GNB1: variants seen among roughly 807,000 people sequenced by gnomAD.
The protein encoded by GNB1 is G protein subunit beta 1, also known as guanine nucleotide-binding protein G(I)/G(S)/G(T) subunit beta-1.
A neutral mutation model predicts 42.9 loss-of-function variants in GNB1; 2 were observed. The observed-to-expected ratio is 0.05, with a 90% CI of 0.02 to 0.15. The LOEUF (loss-of-function observed/expected upper bound fraction) is 0.15. GNB1 is among the 10% of genes least tolerant of loss of function. The probability of loss-of-function intolerance (pLI) is 1.00; values close to 1 mark genes in which losing one functional copy is unlikely to be tolerated. For synonymous variants in GNB1, 183 were observed against 174.7 expected (o/e 1.05, Z -0.38); for missense variants, 193 against 462.2 (o/e 0.42, Z 5.34).
At chr1:1,791,801 T>C (rs1298488871) in intron 8 of GNB1, among the ~76,000 whole-genome samples, 1 of 152,190 alleles carries the variant, frequency 6.6e-6, no homozygotes, top group Non-Finnish European at 1.5e-5. Context: ...TAAAAGAGTC[T>C]GAAAAAAATG....
chr1:1,806,556 A>G lies in GNB1; in HGVS notation c.204-18T>C, dbSNP rs1204461383. On this transcript the variant is annotated intron_variant, in intron 5 of 11. Coordinates refer to ENST00000378609, the MANE Select transcript of GNB1 (RefSeq NM_002074.5). Reference sequence around the variant, plus strand: ...CGAGAAGCCTGGAGGGACAGACAAAAGCAAACCTATCAGTACCGCACAACA... The same window carrying G: ...CGAGAAGCCTGGAGGGACAGACAAAGGCAAACCTATCAGTACCGCACAACA... 1.9e-6 allele frequency: 3 copies of G among 1,576,070 alleles called. No homozygotes were observed. Among genetic ancestry groups the G allele is most frequent in the Non-Finnish European group, 2.6e-6 (3 of 1,145,890 alleles).
chr1:1,853,264 G>A (rs539693251), intron 1 of GNB1, among the ~76,000 whole-genome samples: 8 of 152,212 alleles, frequency 5.3e-5, no homozygotes, highest in Admixed American at 2.0e-4. Flanking sequence ...TCTGACATGC[G>A]ACTCCTCCGC....
chr1:1,879,379 G>A (rs112683621), intron 1 of GNB1, among the ~76,000 whole-genome samples: 185 of 152,288 alleles, frequency 1.2e-3, no homozygotes, highest in Non-Finnish European at 2.5e-3. Context: ...TAAGCCCACT[G>A]CATGTTACCA....
chr1:1,798,957 T>A (rs1646585202), intron 7 of GNB1, among the ~76,000 whole-genome samples: 1 of 151,584 alleles, frequency 6.6e-6, no homozygotes, highest in African/African-American at 2.4e-5. Flanking sequence ...AGTCTCGCTG[T>A]CGCCCAGGTT....
rs763840033 is a variant in GNB1 at position 1,790,438 on chromosome 1, C to T, written c.656G>A (p.Arg219Gln). Residue 219 changes from arginine (R) to glutamine (Q), a missense_variant, in exon 9 of 12, where the codon CGG (arginine) becomes CAG (glutamine). Coordinates refer to ENST00000378609, the MANE Select transcript of GNB1 (RefSeq NM_002074.5). This position sits in a 1 kb window ranked among gnomAD's most constrained non-coding sequence, Gnocchi z 5.4. ...KLWDVREGMC[R>Q]QTFTGHESDI... is the part of the protein sequence containing the mutation. Reference sequence around the variant, plus strand: ...AGACTCGTGGCCAGTGAAGGTCTGCCGGCACATGCCTTCTCGCACATCCCA... The same window carrying T: ...AGACTCGTGGCCAGTGAAGGTCTGCTGGCACATGCCTTCTCGCACATCCCA... The T allele has an allele frequency of 1.4e-5, 23 of 1,614,024 alleles. No individual in the cohort carries two copies. The highest frequency in any genetic ancestry group is 3.3e-5 in the Admixed American group (2 of 60,002).
intron 1 of GNB1, among the ~76,000 whole-genome samples, chr1:1,869,185 CAAAAAAAAAAAAAAA>C (rs71578347): frequency 3.7e-5 from 1 of 26,746 alleles, no homozygotes; most frequent in Non-Finnish European, 7.7e-5. Context: ...GACACCTTCT[CAAAAAAAAAAAAAAA>C]AAAAAAAAAA....
chr1:1,794,097 C>T (rs551953897), intron 7 of GNB1: 1 of 152,318 alleles, frequency 6.6e-6, no homozygotes, highest in East Asian at 1.9e-4. Flanking sequence ...TGAGTATTCC[C>T]ACCCACTCCC....
intron 10 of GNB1, 22 bp downstream of exon 10, chr1:1,789,031 G>A: frequency 6.4e-7 from 1 of 1,556,028 alleles, no homozygotes; most frequent in Non-Finnish European, 8.9e-7. Context: ...ACAAGACACA[G>A]AAAGGCCCCA....
intron 3 of GNB1, 170 bp from the exon 4 acceptor site, chr1:1,818,045 T>C: frequency 1.7e-6 from 1 of 585,834 alleles, no homozygotes; most frequent in Non-Finnish European, 3.2e-6. Context: ...TCTACTACCA[T>C]CTGTGGACTG....
intron 4 of GNB1, among the ~76,000 whole-genome samples, chr1:1,817,404 T>C (rs971094555): frequency 3.3e-5 from 5 of 152,184 alleles, no homozygotes; most frequent in African/African-American, 9.7e-5. Flanking sequence ...GCTATGTACA[T>C]GTGTGTGTTT....
chr1:1,869,927 A>C (rs1649157481), intron 1 of GNB1, among the ~76,000 whole-genome samples: 2 of 151,968 alleles, frequency 1.3e-5, no homozygotes, highest in African/African-American at 4.8e-5. Flanking sequence ...TAGTGGTACA[A>C]TCTAGGCTCA....
intron 1 of GNB1, among the ~76,000 whole-genome samples, chr1:1,840,798 G>A (rs2101211603): frequency 6.6e-6 from 1 of 152,370 alleles, no homozygotes; most frequent in South Asian, 2.1e-4. Flanking sequence ...TGGTGACAGA[G>A]ATCACAAGAG....
intron 3 of GNB1, chr1:1,818,450 G>C (rs1277801072): frequency 1.3e-5 from 2 of 152,080 alleles, no homozygotes; most frequent in Non-Finnish European, 1.5e-5. Context: ...GCGGTCTCAC[G>C]TCTGTAATCC....
rs1177095102 is a variant in GNB1, at chr1:1,890,849, C to T, written c.-125G>A. Reference sequence around the variant, plus strand: ...GCGCCCTCGTCGCGGCCTGACGCGCCCACACCGCCGCCTCGGCCGCCGCTC... The same window carrying T: ...GCGCCCTCGTCGCGGCCTGACGCGCTCACACCGCCGCCTCGGCCGCCGCTC... On this transcript the variant is annotated 5_prime_UTR_variant, in exon 1 of 12. Coordinates refer to ENST00000378609, the MANE Select transcript of GNB1 (RefSeq NM_002074.5). The T allele has an allele frequency of 1.4e-5, 2 of 147,738 alleles. No individual in the cohort carries two copies. Among genetic ancestry groups the T allele is most frequent in the South Asian group, 4.0e-4 (2 of 4,940 alleles). The allele number at this position is 147,738 out of a possible 1,614,324, so 9.2% of individuals were successfully genotyped here.
At chr1:1,835,631 G>C (rs369660778) in intron 2 of GNB1, among the ~76,000 whole-genome samples, 8 of 152,148 alleles carry the variant, frequency 5.3e-5, no homozygotes. Context: ...TGTAACAGTG[G>C]AGTTAATCAG....
chr1:1,858,893 A>G (rs533140070), intron 1 of GNB1, among the ~76,000 whole-genome samples: 1 of 152,264 alleles, frequency 6.6e-6, no homozygotes, highest in African/African-American at 2.4e-5. Context: ...ATCAACATGG[A>G]ACAGGAAACA....
intron 9 of GNB1, among the ~76,000 whole-genome samples, chr1:1,789,553 G>T (rs929396370): frequency 6.6e-6 from 1 of 152,194 alleles, no homozygotes; most frequent in Non-Finnish European, 1.5e-5. Flanking sequence ...TTAGCTGGGC[G>T]TGGCGGCGTG....
At chr1:1,811,082 T>TC (rs34099129) in intron 5 of GNB1, among the ~76,000 whole-genome samples, 2 of 125,720 alleles carry the variant, frequency 1.6e-5, no homozygotes, top group Non-Finnish European at 3.3e-5. Flanking sequence ...TATATATATA[T>TC]TTTTTTTTTT....
chr1:1,863,313 TG>T (rs1648732449), intron 1 of GNB1, among the ~76,000 whole-genome samples: 1 of 152,072 alleles, frequency 6.6e-6, no homozygotes, highest in African/African-American at 2.4e-5. Context: ...CACCCAATCA[TG>T]TAAGTTATGC....
Sources: allele counts gnomAD v4.1 joint callset (sites outside exome capture counted in the v4.1 genomes callset), GRCh38; gene constraint gnomAD v4.1.1; non-coding constraint Gnocchi (gnomAD v3.1); transcripts MANE v1.5; gene names NCBI Gene and HGNC (gene_info 2026-07-23, HGNC 2026-07-21).